SCN4A: variants seen among roughly 807,000 people sequenced by gnomAD.
The protein encoded by SCN4A is sodium voltage-gated channel alpha subunit 4, also known as sodium channel protein type 4 subunit alpha.
In SCN4A, 83 loss-of-function variants were observed where a neutral mutation model predicts 162.0. The ratio of observed to expected loss-of-function variants is 0.51; its 90% confidence interval spans 0.43 to 0.61. SCN4A has a LOEUF of 0.61. SCN4A is among the 20% of genes least tolerant of loss of function. The pLI, the probability that SCN4A is intolerant of heterozygous loss-of-function variation, is 0.00. For missense variants in SCN4A, 2,196 were observed against 2,462.5 expected, an observed-to-expected ratio of 0.89 and a Z score of 2.29; for synonymous variants, 944 against 985.1, an observed-to-expected ratio of 0.96 and a Z score of 0.78.
chr17:63,970,380 A>G (rs1303886660), intron 5 of SCN4A, among the ~76,000 whole-genome samples: 1 of 152,214 alleles, frequency 6.6e-6, no homozygotes, highest in Non-Finnish European at 1.5e-5. Context: ...AAACTGAGAC[A>G]TGGACAGGGC....
rs1908860796 is a variant in SCN4A at position 63,950,139 on chromosome 17, G to C, written c.2854-611C>G. The stretch of plus-strand genomic sequence containing the variant: ...CTCCCACCTCCTCCTGCTGGGCCAG[G>C]CCAGCTTCCCGGCCCCAGACTCCAC... On this transcript the variant is annotated intron_variant, in intron 14 of 23. Coordinates refer to ENST00000435607, the MANE Select transcript of SCN4A (RefSeq NM_000334.4). This position sits in a 1 kb window ranked among gnomAD's most constrained non-coding sequence, Gnocchi z 4.6. 6.6e-6 allele frequency among the ~76,000 whole-genome samples: 1 copy of C among 152,142 alleles called. No individual in the cohort carries two copies. Among genetic ancestry groups the C allele is most frequent in the Non-Finnish European group, 1.5e-5 (1 of 68,016 alleles).
At chr17:63,971,969 G>T in intron 3 of SCN4A, 119 bp from the exon 4 acceptor site, 1 of 1,218,998 alleles carries the variant, frequency 8.2e-7, no homozygotes, top group Non-Finnish European at 1.2e-6. Flanking sequence ...GGTGGCTAAG[G>T]ACACTAGCGA....
chr17:63,969,964 G>A (rs1219339974), intron 5 of SCN4A, among the ~76,000 whole-genome samples: 1 of 152,030 alleles, frequency 6.6e-6, no homozygotes, highest in Non-Finnish European at 1.5e-5. Context: ...CTCATATTAG[G>A]ATTTAACAAT....
chr17:63,940,803 C>T lies in SCN4A; in HGVS notation c.5479G>A (p.Val1827Met), dbSNP rs1272338162. 4 of 1,591,164 alleles carry T rather than the reference C, an allele frequency of 2.5e-6. No homozygotes were observed. The highest frequency in any genetic ancestry group is 2.2e-5 in the South Asian group (2 of 89,276). Residue 1827 changes from valine (V) to methionine (M), a missense_variant, in exon 24 of 24, where the codon GTG becomes ATG. Coordinates refer to ENST00000435607, the MANE Select transcript of SCN4A (RefSeq NM_000334.4). ...WPPAPPPGQT[V>M]RPGVKESLV ...AGAGACTCCTTGACACCTGGGCGCA[C>T]AGTCTGCCCTGGGGGAGGGGCGGGA...
At chr17:63,942,088 T>C (rs1285931064) in intron 23 of SCN4A, 95 bp from the exon 24 acceptor site, 1 of 1,242,388 alleles carries the variant, frequency 8.0e-7, no homozygotes, top group African/African-American at 1.5e-5. Flanking sequence ...CGGCCTGGTG[T>C]GCTCTGCTCA....
intron 5 of SCN4A, among the ~76,000 whole-genome samples, chr17:63,970,288 G>C (rs1327024675): frequency 6.6e-6 from 1 of 152,086 alleles, no homozygotes; most frequent in African/African-American, 2.4e-5. Context: ...GGGGCTGTGA[G>C]GGCCTTACAG....
rs1908446602 is a variant in SCN4A at position 63,939,346 on chromosome 17, G to A, written c.*1425C>T. ...GTATGACACACCAGCCGTACTCCAT[G>A]GACCTTGAAACAGTCCAGGGCACAC... On this transcript the variant is annotated 3_prime_UTR_variant, in exon 24 of 24. Coordinates refer to ENST00000435607, the MANE Select transcript of SCN4A (RefSeq NM_000334.4). 1.3e-5 allele frequency: 2 copies of A among 151,890 alleles called. No individual in the cohort carries two copies. The highest frequency in any genetic ancestry group is 4.8e-5 in the African/African-American group (2 of 41,348). 9.4% of individuals were successfully genotyped at this position (151,890 alleles called of 1,614,324 possible). A position where few individuals can be genotyped will look rare whatever the true frequency, so the allele number is the denominator to read the frequency against.
chr17:63,943,092 T>C lies in SCN4A; in HGVS notation c.4022A>G (p.Lys1341Arg). Residue 1341 changes from lysine (K) to arginine (R), a missense_variant, in exon 23 of 24, where the codon AAG (lysine) becomes AGG (arginine). Lys to Arg is a conservative substitution (Grantham distance 26, BLOSUM62 2). Transcript: ENST00000435607. ...GAGGTCATACACCATGCCCTGGATC[T>C]TGTTCTGCAGCATGGGTGGGAGTGG... ...PQKPIPRPQN[K>R]IQGMVYDLVT... is the part of the protein sequence containing the mutation. The C allele has an allele frequency of 6.2e-7, 1 of 1,609,494 alleles. No individual in the cohort carries two copies. The highest frequency in any genetic ancestry group is 8.5e-7 in the Non-Finnish European group (1 of 1,176,152).
At chr17:63,965,198 C>T (rs922956719) in intron 8 of SCN4A, among the ~76,000 whole-genome samples, 30 of 152,146 alleles carry the variant, frequency 2.0e-4, no homozygotes, top group African/African-American at 7.2e-4. Flanking sequence ...GTGTTTGCCA[C>T]CAAACCTGGC....
In SCN4A at chr17:63,944,080, A is replaced by G. The variant is rs566600544; in HGVS notation, c.3913-230T>C. ...GCTGTCTTGCAGCCTGTTTCTGGCT[A>G]CTTTTCATCAACATCTCGCTGAGCC... On this transcript the variant is annotated intron_variant, in intron 21 of 23. Transcript: ENST00000435607. The surrounding 1 kb of genome is among the most constrained non-coding windows in gnomAD (Gnocchi z 4.3). Among the ~76,000 whole-genome samples the G allele has an allele frequency of 5.3e-5, 8 of 152,292 alleles. No homozygotes were observed. The South Asian group carries it at 1.7e-3, about 32-fold the overall frequency.
In SCN4A at chr17:63,948,761, G is replaced by A. The variant is rs185803223; in HGVS notation, c.2994C>T (p.Cys998=). Residue 998 remains cysteine (C), a synonymous_variant, in exon 16 of 24, where the codon TGC becomes TGT. Coordinates refer to ENST00000435607, the MANE Select transcript of SCN4A (RefSeq NM_000334.4). ...CGTAGAGGCAGGGCCAGCGCTGCAC[G>A]CAGGCTGATGGGGTGAGGGGGGACA... ...EQPEECFTEA[C]VQRWPCLYVD... is the part of the protein sequence containing the mutation. 2.2e-5 allele frequency: 36 copies of A among 1,604,036 alleles called. No homozygotes were observed. In the East Asian group the frequency reaches 3.6e-4, roughly 16 times the overall value.
chr17:63,947,385 G>A (rs1217512861), intron 17 of SCN4A, among the ~76,000 whole-genome samples: 1 of 152,046 alleles, frequency 6.6e-6, no homozygotes, highest in Non-Finnish European at 1.5e-5. Flanking sequence ...ACCAACTGGG[G>A]ATGACTGTGA....
Position 63,966,223 on chromosome 17 carries a change from T to A in SCN4A, c.1121A>T (p.Glu374Val), listed in dbSNP as rs762985399. ...SDAGHCPEGY[E>V]CIKTGRNPNY... ...GGGGTTCCGCCCGGTCTTGATGCAC[T>A]CATAACCCTCAGGGCAGTGCCTAGG... The change falls in exon 8 of 24, where the codon GAG becomes GTG. Residue 374 changes from glutamate to valine, a missense_variant. Coordinates refer to ENST00000435607, the MANE Select transcript of SCN4A (RefSeq NM_000334.4). The A allele has an allele frequency of 3.7e-6, 6 of 1,604,222 alleles. No homozygotes were observed. Among genetic ancestry groups the A allele is most frequent in the South Asian group, 1.1e-5 (1 of 88,862 alleles).
intron 15 of SCN4A, 24 bp downstream of exon 15, chr17:63,949,369 A>G: frequency 6.4e-7 from 1 of 1,554,876 alleles, no homozygotes; most frequent in Non-Finnish European, 8.7e-7. Context: ...GGAGACACCC[A>G]GATGAGGTGA....
In SCN4A at chr17:63,945,631, A is replaced by G; in HGVS notation, c.3449T>C (p.Val1150Ala). The change falls in exon 19 of 24, where the codon GTG becomes GCG. Residue 1150 changes from valine (V) to alanine (A), a missense_variant. By Grantham distance (64) the Val-to-Ala change is moderately conservative. Coordinates refer to ENST00000435607, the MANE Select transcript of SCN4A (RefSeq NM_000334.4). This position sits in a 1 kb window ranked among gnomAD's most constrained non-coding sequence, Gnocchi z 4.4. ...LSRFEGMRVV[V>A]NALLGAIPSI... ...GGGGATGGCGCCTAGGAGGGCGTTC[A>G]CCACCACCTGGGGGCCAGGGGGTCC... 1 of 1,613,830 alleles carries G rather than the reference A, an allele frequency of 6.2e-7. No homozygotes were observed. Among genetic ancestry groups the G allele is most frequent in the East Asian group, 2.2e-5 (1 of 44,882 alleles).
intron 10 of SCN4A, among the ~76,000 whole-genome samples, chr17:63,963,360 C>A (rs1909327857): frequency 1.3e-5 from 2 of 152,212 alleles, no homozygotes; most frequent in Non-Finnish European, 2.9e-5. Flanking sequence ...TCCCCAAGGC[C>A]CTCCCGGAAG....
chr17:63,954,192 C>T (rs1909003787), intron 13 of SCN4A, among the ~76,000 whole-genome samples: 1 of 152,244 alleles, frequency 6.6e-6, no homozygotes. Flanking sequence ...ATTGTCTTCA[C>T]TACATTCTGT....
chr17:63,948,595 C>T lies in SCN4A; in HGVS notation c.3144+16G>A. The T allele has an allele frequency of 6.2e-7, 1 of 1,610,706 alleles. No individual in the cohort carries two copies. The highest frequency in any genetic ancestry group is 1.7e-5 in the Admixed American group (1 of 59,892). On this transcript the variant is annotated intron_variant, in intron 16 of 23. Transcript: ENST00000435607. ...CTGGCCCCTGCCCCTGACCCGTGCT[C>T]CCAGGCAGTGCCTACCAGAGCCCCA...
rs1188601087 is a variant in SCN4A at position 63,957,297 on chromosome 17, G to C, written c.2241C>G (p.Phe747Leu). Residue 747 changes from phenylalanine to leucine, a missense_variant, in exon 13 of 24, where the codon TTC becomes TTG. By Grantham distance (22) the Phe-to-Leu change is conservative. Transcript: ENST00000435607. The stretch of plus-strand genomic sequence containing the variant: ...GGAAGACGATGAGGAAGGAGTGGAA[G>C]AAATCATGCATGTGCCAGCGCGGCA... Reference protein sequence around the residue: ...CNLPRWHMHDFFHSFLIVFRI... With the variant: ...CNLPRWHMHDLFHSFLIVFRI... 6.2e-7 allele frequency: 1 copy of C among 1,614,070 alleles called. No individual in the cohort carries two copies. Among genetic ancestry groups the C allele is most frequent in the Admixed American group, 1.7e-5 (1 of 60,004 alleles).
Sources: gnomAD v4.1 joint callset for allele counts (sites outside exome capture counted in the v4.1 genomes callset) on GRCh38, gnomAD v4.1.1 for gene constraint, Gnocchi (gnomAD v3.1) non-coding constraint, MANE v1.5 for transcripts, NCBI Gene and HGNC (gene_info 2026-07-23, HGNC 2026-07-21) for gene names.